FFAR4: variants seen among roughly 807,000 people sequenced by gnomAD.
FFAR4 encodes the protein G-protein coupled receptor 120.
Under a neutral mutation model 27.0 loss-of-function variants are expected in FFAR4, and 19 were observed. The observed-to-expected ratio is 0.70, with a 90% confidence interval of 0.49 to 1.03. The LOEUF (loss-of-function observed/expected upper bound fraction) is 1.03, where lower values mean the gene tolerates loss of function less well. FFAR4 is among the 50% of genes least tolerant of loss of function. FFAR4 has a pLI of 0.00. For missense variants in FFAR4, 476 were observed against 479.0 expected, an observed-to-expected ratio of 0.99 and a Z score of 0.06; for synonymous variants, 254 against 215.6, an observed-to-expected ratio of 1.18 and a Z score of -1.56.
chr10:93,572,577 GT>G (rs2058138152), intron 1 of FFAR4, among the ~76,000 whole-genome samples: 1 of 152,188 alleles, frequency 6.6e-6, no homozygotes, highest in Non-Finnish European at 1.5e-5. Flanking sequence ...AATGCAATAG[GT>G]GGATAAGTCA....
Position 93,572,103 on chromosome 10 carries a change from AG to A in FFAR4, c.568-3986del, listed in dbSNP as rs1489034152. Among the ~76,000 whole-genome samples, 4 of 152,190 alleles carry A rather than the reference AG, an allele frequency of 2.6e-5. No homozygotes were observed. In the East Asian group the frequency reaches 7.7e-4, roughly 29 times the overall value. On this transcript the variant is annotated intron_variant, in intron 1 of 2. Transcript: ENST00000371481. ...CCTAATGTGTATTAGGCAGAATTCTAGGTGCTGGGATGCTGGCTGGAAAAAG... is the reference window on the plus strand; with the variant it reads ...CCTAATGTGTATTAGGCAGAATTCTAGTGCTGGGATGCTGGCTGGAAAAAG...
chr10:93,579,155 A>G, intron 2 of FFAR4: 1 of 1,613,904 alleles, frequency 6.2e-7, no homozygotes, highest in South Asian at 1.1e-5. Flanking sequence ...TCTCCCCATT[A>G]CAGACCTCGG....
At position 93,579,192 on chromosome 10, in the gene FFAR4, G is replaced by A. The variant is rs145259299; in HGVS notation, c.696+2973G>A. The A allele has an allele frequency of 3.3e-5, 54 of 1,613,906 alleles. No individual in the cohort carries two copies. Among genetic ancestry groups the A allele is most frequent in the Middle Eastern group, 1.6e-4 (1 of 6,062 alleles). On this transcript the variant is annotated intron_variant, in intron 2 of 2. Transcript: ENST00000371481. ...ACACCTCCTGGATGCAAGAGCTGTC[G>A]TGACTCACAGTGAGGTAAAAGGGCA...
chr10:93,579,658 A>G (rs1488733545), intron 2 of FFAR4, among the ~76,000 whole-genome samples: 2 of 152,164 alleles, frequency 1.3e-5, no homozygotes, highest in Non-Finnish European at 2.9e-5. Flanking sequence ...CTATATTCCT[A>G]TGCCTAGATC....
intron 1 of FFAR4, among the ~76,000 whole-genome samples, chr10:93,572,871 G>A (rs542864424): frequency 5.9e-5 from 9 of 152,338 alleles, no homozygotes; most frequent in South Asian, 2.1e-4. Context: ...AAAAGGAGCC[G>A]TGGAAATGAG....
chr10:93,571,418 AC>A (rs1233378971), intron 1 of FFAR4, among the ~76,000 whole-genome samples: 1 of 152,102 alleles, frequency 6.6e-6, no homozygotes, highest in Non-Finnish European at 1.5e-5. Flanking sequence ...CCTCACAGTC[AC>A]CCCACCCCAT....
rs147162015 is a variant in FFAR4 at position 93,572,144 on chromosome 10, C to T, written c.568-3947C>T. Among the ~76,000 whole-genome samples, 60 of 152,232 alleles carry T rather than the reference C, an allele frequency of 3.9e-4. No individual in the cohort carries two copies. The South Asian group carries it at 5.6e-3, about 14-fold the overall frequency. On this transcript the variant is annotated intron_variant, in intron 1 of 2. Transcript: ENST00000371481. The stretch of plus-strand genomic sequence containing the variant: ...GCTGGAAAAAGGCAGGCTTGGTCCC[C>T]ACCCTTAGTAACACACTTCAGTGGG...
intron 1 of FFAR4, among the ~76,000 whole-genome samples, chr10:93,568,754 T>A (rs1189777993): frequency 6.6e-6 from 1 of 152,124 alleles, no homozygotes; most frequent in Admixed American, 6.5e-5. Flanking sequence ...TTTTTTTTTT[T>A]AAACATAAAT....
chr10:93,586,671 G>A (rs12241416), intron 2 of FFAR4, among the ~76,000 whole-genome samples: 44,499 of 152,108 alleles, frequency 0.29, 6,881 homozygotes, highest in African/African-American at 0.37. Flanking sequence ...AGCAAGGCCC[G>A]GAGTGTGGTG....
At chr10:93,570,240 C>A (rs900429953) in intron 1 of FFAR4, among the ~76,000 whole-genome samples, 3 of 151,146 alleles carry the variant, frequency 2.0e-5, no homozygotes, top group African/African-American at 7.3e-5. Context: ...AGGAACCCAA[C>A]AAACAGAAAA....
rs1486571000 is a variant in FFAR4 at position 93,566,901 on chromosome 10, G to T, written c.181G>T (p.Ala61Ser). 6.2e-7 allele frequency: 1 copy of T among 1,607,406 alleles called. No individual in the cohort carries two copies. The highest frequency in any genetic ancestry group is 1.1e-5 in the South Asian group (1 of 90,320). The change falls in exon 1 of 3, where the codon GCC becomes TCC. Residue 61 changes from alanine (A) to serine (S), a missense_variant. By Grantham distance (99) the Ala-to-Ser change is moderately conservative. Coordinates refer to ENST00000371481, the MANE Select transcript of FFAR4 (RefSeq NM_001195755.2). ...AGTGTCGCTGCTGGGCAACGTGTGCGCCCTGGTGCTGGTGGCGCGCCGACG... is the reference window on the plus strand; with the variant it reads ...AGTGTCGCTGCTGGGCAACGTGTGCTCCCTGGTGCTGGTGGCGCGCCGACG... ...FAVSLLGNVC[A>S]LVLVARRRRR... is the part of the protein sequence containing the mutation.
At chr10:93,578,182 T>C (rs12243124) in intron 2 of FFAR4, among the ~76,000 whole-genome samples, 50,189 of 151,314 alleles carry the variant, frequency 0.33, 10,195 homozygotes, top group African/African-American at 0.57. Flanking sequence ...TTTGGGAGGG[T>C]GAGACCAGTG....
At chr10:93,571,608 A>G (rs2058131974) in intron 1 of FFAR4, among the ~76,000 whole-genome samples, 1 of 152,210 alleles carries the variant, frequency 6.6e-6, no homozygotes, top group South Asian at 2.1e-4. Flanking sequence ...CAGGCTAGTC[A>G]TGTGAACGTT....
intron 1 of FFAR4, among the ~76,000 whole-genome samples, chr10:93,570,619 G>A (rs544038954): frequency 2.0e-5 from 3 of 152,240 alleles, no homozygotes; most frequent in African/African-American, 4.8e-5. Context: ...CTCAAGGAGC[G>A]CTGGCCAAGG....
chr10:93,582,442 G>A (rs1308728874), intron 2 of FFAR4, among the ~76,000 whole-genome samples: 1 of 151,708 alleles, frequency 6.6e-6, no homozygotes, highest in Non-Finnish European at 1.5e-5. Context: ...TACTCAGGAG[G>A]CTGAGACAGG....
intron 2 of FFAR4, among the ~76,000 whole-genome samples, chr10:93,586,402 C>A (rs1589680403): frequency 6.6e-6 from 1 of 152,124 alleles, no homozygotes; most frequent in Non-Finnish European, 1.5e-5. Context: ...GTCAATTAAA[C>A]CTCTTTTCTT....
chr10:93,575,384 C>A (rs903629817), intron 1 of FFAR4, among the ~76,000 whole-genome samples: 7 of 152,214 alleles, frequency 4.6e-5, no homozygotes, highest in Middle Eastern at 3.2e-3. Flanking sequence ...CCATATGTTG[C>A]AGTTCTTGCA....
Position 93,588,091 on chromosome 10 carries a change from TA to T in FFAR4, c.*499del, listed in dbSNP as rs869171566. 12,259 of 134,842 alleles carry T rather than the reference TA, an allele frequency of 0.091. 517 individuals carry two copies. The highest frequency in any genetic ancestry group is 0.1 in the Non-Finnish European group (6,295 of 61,954). 8.4% of individuals were successfully genotyped at this position (134,842 alleles called of 1,614,324 possible). ...GGGCAACAAGAGTGAAACTCCATCT[TA>T]AAAAAAAAAAAAAAAAGATTTGTTA... On this transcript the variant is annotated 3_prime_UTR_variant, in exon 3 of 3. Transcript: ENST00000371481.
At position 93,587,321 on chromosome 10, in the gene FFAR4, C is replaced by T. The variant is rs1302499658; in HGVS notation, c.798C>T (p.Leu266=). The change falls in exon 3 of 3, where the codon CTC becomes CTT. Residue 266 remains leucine, a synonymous_variant. Transcript: ENST00000371481. ...SQQDFRLFRT[L]FLLMVSFFIM... is the part of the protein sequence containing the mutation. ...AGGACTTCCGGCTCTTCCGCACCCT[C>T]TTCCTCCTCATGGTCTCCTTCTTCA... 4 of 1,614,200 alleles carry T rather than the reference C, an allele frequency of 2.5e-6. No individual in the cohort carries two copies. The highest frequency in any genetic ancestry group is 3.4e-6 in the Non-Finnish European group (4 of 1,180,032).
Sources: allele counts gnomAD v4.1 joint callset (sites outside exome capture counted in the v4.1 genomes callset), GRCh38; gene constraint gnomAD v4.1.1; transcripts MANE v1.5; gene names NCBI Gene and HGNC (gene_info 2026-07-23, HGNC 2026-07-21).